The following CFAP46 variants were observed in gnomAD, a reference collection of about 807,000 sequenced individuals.
CFAP46 encodes the protein cilia and flagella associated protein 46.
A neutral mutation model predicts 325.7 loss-of-function variants in CFAP46; 245 were observed. The ratio of observed to expected loss-of-function variants is 0.75; its 90% CI spans 0.68 to 0.84. The LOEUF (loss-of-function observed/expected upper bound fraction) is 0.84. Among genes scored for constraint, CFAP46 ranks in the 40% least tolerant of loss-of-function variants. The pLI is 0.00. For missense variants in CFAP46, 3,346 were observed against 3,543.0 expected (o/e 0.94, Z 1.41); for synonymous variants, 1,523 against 1,495.9 (o/e 1.02, Z -0.42).
intron 12 of CFAP46, 89 bp from the exon 13 acceptor site, chr10:132,922,313 G>A: frequency 6.7e-7 from 1 of 1,488,232 alleles, no homozygotes; most frequent in Non-Finnish European, 9.0e-7. Flanking sequence ...CCTTTGGCAG[G>A]GGCCTGTGTG....
intron 22 of CFAP46, among the ~76,000 whole-genome samples, chr10:132,903,629 G>A (rs1057349747): frequency 6.6e-6 from 1 of 152,192 alleles, no homozygotes; most frequent in Non-Finnish European, 1.5e-5. Flanking sequence ...ACTGTCTCAC[G>A]TATATTTTCA....
chr10:132,830,683 GTCTC>G (rs925172680), intron 50 of CFAP46, among the ~76,000 whole-genome samples: 18 of 152,186 alleles, frequency 1.2e-4, no homozygotes, highest in Non-Finnish European at 1.9e-4. Flanking sequence ...ATAATTTTGT[GTCTC>G]TCTTTTTTCC....
At chr10:132,908,337 C>G in intron 22 of CFAP46, 131 bp downstream of exon 22, 1 of 1,143,264 alleles carries the variant, frequency 8.7e-7, no homozygotes, top group East Asian at 2.6e-5. Flanking sequence ...GATCGCGGCC[C>G]AGGCCCGCGC....
chr10:132,892,835 T>C (rs960489185), intron 24 of CFAP46, among the ~76,000 whole-genome samples: 1 of 152,152 alleles, frequency 6.6e-6, no homozygotes, highest in African/African-American at 2.4e-5. Context: ...GTTGACACCA[T>C]TTTGCTTTTC....
intron 41 of CFAP46, among the ~76,000 whole-genome samples, chr10:132,848,848 C>T (rs113590400): frequency 0.05 from 7,598 of 152,276 alleles, 282 homozygotes; most frequent in Non-Finnish European, 0.072. Flanking sequence ...CGATGGACAA[C>T]GAGCTCGGAT....
Position 132,895,931 on chromosome 10 carries a change from GCT to G in CFAP46, c.3219+3026_3219+3027del, listed in dbSNP as rs1309373328. ...GAAGACACGGTGAGAAGGCAGCCAG[GCT>G]CTGTGTGCCATGAGACACGGCGAGA... On this transcript the variant is annotated intron_variant, in intron 24 of 57. Transcript: ENST00000368586. 3.0e-4 allele frequency among the ~76,000 whole-genome samples: 30 copies of G among 99,522 alleles called. 3 individuals are homozygous for G. Among genetic ancestry groups the G allele is most frequent in the African/African-American group, 1.1e-3 (23 of 21,374 alleles). 65.3% of individuals were successfully genotyped at this position (99,522 alleles called of 152,430 possible).
Position 132,876,854 on chromosome 10 carries a change from G to A in CFAP46, c.4320C>T (p.Asp1440=), listed in dbSNP as rs768595628. ...AGGGGTTCACAGTAGAGTCACTTCT[G>A]TCCTGTTTCAGTACAGACAGCACTT... The part of the protein sequence containing the change: ...PEEVLSVLKQ[D]RSDSTVNPSS... The change falls in exon 31 of 58, where the codon GAC becomes GAT. Residue 1440 remains aspartate, a synonymous_variant. Coordinates refer to ENST00000368586, the MANE Select transcript of CFAP46 (RefSeq NM_001200049.3). This position sits in a 1 kb window ranked among gnomAD's most constrained non-coding sequence, Gnocchi z 4.1. The A allele has an allele frequency of 1.0e-4, 156 of 1,550,452 alleles. No individual in the cohort carries two copies. Among genetic ancestry groups the A allele is most frequent in the Non-Finnish European group, 1.3e-4 (148 of 1,146,984 alleles).
intron 35 of CFAP46, among the ~76,000 whole-genome samples, chr10:132,862,711 G>A (rs1430242300): frequency 1.3e-5 from 2 of 151,880 alleles, no homozygotes; most frequent in East Asian, 3.9e-4. Flanking sequence ...GCCACCAGCA[G>A]GACGGAGAGA....
chr10:132,847,024 G>C lies in CFAP46; in HGVS notation c.6175C>G (p.Leu2059Val). 6.2e-7 allele frequency: 1 copy of C among 1,611,528 alleles called. No individual in the cohort carries two copies. Among genetic ancestry groups the C allele is most frequent in the South Asian group, 1.1e-5 (1 of 90,974 alleles). ...AGGCTGGCGGCTGCTGCGACATCCA[G>C]GAGGCCACTGCCAAGGGCCACCTGT... ...CLQVALGSGL[L>V]DVAAAASLEM... The change falls in exon 43 of 58, where the codon CTG (leucine) becomes GTG (valine). Residue 2059 changes from leucine to valine, a missense_variant. Coordinates refer to ENST00000368586, the MANE Select transcript of CFAP46 (RefSeq NM_001200049.3). The surrounding 1 kb of genome is among the most constrained non-coding windows in gnomAD (Gnocchi z 5.2).
chr10:132,839,264 C>T (rs2135048703), intron 44 of CFAP46, among the ~76,000 whole-genome samples: 1 of 152,364 alleles, frequency 6.6e-6, no homozygotes, highest in South Asian at 2.1e-4. Context: ...CCCGTGGCCA[C>T]AGGGGGGTGG....
At position 132,913,128 on chromosome 10, in the gene CFAP46, G is replaced by C; in HGVS notation, c.2251C>G (p.Leu751Val). 2 of 1,550,424 alleles carry C rather than the reference G, an allele frequency of 1.3e-6. No homozygotes were observed. The highest frequency in any genetic ancestry group is 1.7e-6 in the Non-Finnish European group (2 of 1,146,982). ...TCCTTCTGCCGCCCGGCCAGGATCA[G>C]GTGGTGGTTGTGGTTCAGGACGTAG... ...VVYVLNHNHH[L>V]ILAGRQKELV... is the part of the protein sequence containing the mutation. Residue 751 changes from leucine to valine, a missense_variant, in exon 18 of 58, where the codon CTG becomes GTG. Physicochemically the swap from Leu to Val is conservative, Grantham distance 32. Coordinates refer to ENST00000368586, the MANE Select transcript of CFAP46 (RefSeq NM_001200049.3).
At position 132,880,858 on chromosome 10, in the gene CFAP46, C is replaced by G; in HGVS notation, c.3799+3G>C. The G allele has an allele frequency of 6.5e-7, 1 of 1,545,774 alleles. No individual in the cohort carries two copies. Among genetic ancestry groups the G allele is most frequent in the Non-Finnish European group, 8.7e-7 (1 of 1,146,272 alleles). On this transcript the variant is annotated splice_donor_region_variant and intron_variant, in intron 28 of 57. Transcript: ENST00000368586. ...CGGCACCCTGCCAGCGGCGTGGGCT[C>G]ACCATCCGGCGTGGGCTGTGGCTCA...
chr10:132,878,223 C>A (rs1848984962), intron 29 of CFAP46, 136 bp from the exon 30 acceptor site: 1 of 826,028 alleles, frequency 1.2e-6, no homozygotes, highest in African/African-American at 1.7e-5. Flanking sequence ...GTCTTGCGTC[C>A]CCGTCAGCTG....
intron 9 of CFAP46, 68 bp downstream of exon 9, chr10:132,929,637 T>A: frequency 6.9e-7 from 1 of 1,450,262 alleles, no homozygotes; most frequent in Non-Finnish European, 9.7e-7. Context: ...TTCCTTTCTT[T>A]GCCTTTTGTC....
At chr10:132,833,646 C>T (rs1050606829) in intron 49 of CFAP46, 121 bp from the exon 50 acceptor site, 1 of 982,342 alleles carries the variant, frequency 1.0e-6, no homozygotes. Context: ...CCCGCCTTGA[C>T]TCCATGCCAC....
Position 132,811,041 on chromosome 10 carries a change from C to G in CFAP46, c.7502-10G>C. ...ACTGCCACCTGGCACTCTGCCGGGA[C>G]GGGAAGGGCAGCTCAGCAGCCTTGG... On this transcript the variant is annotated splice_polypyrimidine_tract_variant and intron_variant, in intron 55 of 57. Coordinates refer to ENST00000368586, the MANE Select transcript of CFAP46 (RefSeq NM_001200049.3). The G allele has an allele frequency of 2.5e-6, 4 of 1,577,572 alleles. No homozygotes were observed. Among genetic ancestry groups the G allele is most frequent in the African/African-American group, 1.3e-5 (1 of 74,412 alleles).
chr10:132,887,890 TCTC>T (rs1292080788), intron 25 of CFAP46, among the ~76,000 whole-genome samples: 4 of 76,396 alleles, frequency 5.2e-5, no homozygotes, highest in East Asian at 7.1e-4. Flanking sequence ...TCCTCTCCTC[TCTC>T]CTCTTCTCTC....
chr10:132,913,349 GCTGCA>G, intron 17 of CFAP46, 91 bp from the exon 18 acceptor site: 1 of 784,630 alleles, frequency 1.3e-6, no homozygotes, highest in Non-Finnish European at 2.0e-6. Context: ...TAGGAACCAG[GCTGCA>G]GGGCAAGAAG....
chr10:132,823,947 CAGTGATGTGTGCTGTG>C, intron 50 of CFAP46, among the ~76,000 whole-genome samples: 1 of 113,882 alleles, frequency 8.8e-6, no homozygotes, highest in Non-Finnish European at 1.7e-5. Context: ...GCTGTGTGTG[CAGTGATGTGTGCTGTG>C]TGAGTGCTAA....
Sources: allele counts gnomAD v4.1 joint callset (sites outside exome capture counted in the v4.1 genomes callset), GRCh38; gene constraint gnomAD v4.1.1; non-coding constraint Gnocchi (gnomAD v3.1); transcripts MANE v1.5; gene names NCBI Gene and HGNC (gene_info 2026-07-23, HGNC 2026-07-21).